TNRC6A: variants seen among roughly 807,000 people sequenced by gnomAD.
TNRC6A encodes trinucleotide repeat-containing gene 6A protein.
In TNRC6A, 44 loss-of-function variants were observed where a neutral mutation model predicts 221.2. The ratio of observed to expected loss-of-function variants is 0.20; its 90% CI spans 0.16 to 0.26. The LOEUF is 0.26. Ranked by LOEUF, TNRC6A falls within the 10% of genes least tolerant of loss-of-function variation. The pLI is 1.00. For synonymous variants in TNRC6A, 847 were observed against 838.5 expected (o/e 1.01, Z -0.18); for missense variants, 2,199 against 2,404.4 (o/e 0.91, Z 1.79).
chr16:24,819,844 T>C (rs2058732884), intron 21 of TNRC6A: 1 of 372,088 alleles, frequency 2.7e-6, no homozygotes, highest in Admixed American at 4.3e-5. Flanking sequence ...ATTGCTATTT[T>C]AGAGCAATTC....
intron 2 of TNRC6A, among the ~76,000 whole-genome samples, chr16:24,677,324 A>C (rs1346183465): frequency 6.6e-6 from 1 of 151,748 alleles, no homozygotes; most frequent in Non-Finnish European, 1.5e-5. Flanking sequence ...CACCACACCC[A>C]GCTAATTTTT....
chr16:24,680,578 G>T (rs970035864), intron 2 of TNRC6A, among the ~76,000 whole-genome samples: 4 of 151,858 alleles, frequency 2.6e-5, no homozygotes, highest in Admixed American at 2.6e-4. Context: ...TTAGCTGGGT[G>T]TGGTGGCACG....
intron 1 of TNRC6A, among the ~76,000 whole-genome samples, chr16:24,628,643 T>C (rs1047266033): frequency 1.3e-5 from 2 of 152,174 alleles, no homozygotes; most frequent in African/African-American, 4.8e-5. Flanking sequence ...TCCTTGTGAT[T>C]TTCTTAATAT....
intron 2 of TNRC6A, among the ~76,000 whole-genome samples, chr16:24,699,049 C>A (rs991502215): frequency 6.6e-6 from 1 of 152,098 alleles, no homozygotes; most frequent in South Asian, 2.1e-4. Flanking sequence ...ACCTACAGAG[C>A]GGGTATTGAA....
rs147438450 is a variant in TNRC6A, at chr16:24,764,266, C to G, written c.163+5906C>G. ...TCCATGTTGTGGCAAATGGCAGGCT[C>G]TCCTGTTTAAAAGCTGAATAATATT... is the stretch of plus-strand genomic sequence containing the variant. On this transcript the variant is annotated intron_variant, in intron 4 of 24. Coordinates refer to ENST00000395799, the MANE Select transcript of TNRC6A (RefSeq NM_014494.4). 4.6e-5 allele frequency among the ~76,000 whole-genome samples: 7 copies of G among 151,734 alleles called. No homozygotes were observed. In the East Asian group the frequency reaches 1.4e-3, roughly 29 times the overall value.
chr16:24,708,324 T>A (rs1347644579), intron 2 of TNRC6A, among the ~76,000 whole-genome samples: 2 of 149,446 alleles, frequency 1.3e-5, no homozygotes, highest in African/African-American at 4.9e-5. Flanking sequence ...CACTGCAAGC[T>A]CCACCTCCCA....
chr16:24,632,438 A>G (rs1901397317), intron 1 of TNRC6A, among the ~76,000 whole-genome samples: 1 of 152,006 alleles, frequency 6.6e-6, no homozygotes, highest in Non-Finnish European at 1.5e-5. Context: ...CACCCCACAC[A>G]CAATCCATAG....
intron 2 of TNRC6A, among the ~76,000 whole-genome samples, chr16:24,712,300 C>T (rs958285909): frequency 2.0e-5 from 3 of 152,114 alleles, no homozygotes; most frequent in African/African-American, 4.8e-5. Context: ...CCACCACACC[C>T]GGCTGCTGTA....
chr16:24,789,695 A>G lies in TNRC6A; in HGVS notation c.1053A>G (p.Ser351=), dbSNP rs771578049. Residue 351 remains serine, a synonymous_variant, in exon 6 of 25, where the codon TCA becomes TCG. Transcript: ENST00000395799. The part of the protein sequence containing the change: ...RMNAWGTVSS[S]SNGGLNPSTL... ...ATGCTTGGGGCACTGTAAGTTCTTC[A>G]TCAAATGGAGGGTTAAATCCAAGCA... is the stretch of plus-strand genomic sequence containing the variant. 1.1e-5 allele frequency: 17 copies of G among 1,614,132 alleles called. No homozygotes were observed. The highest frequency in any genetic ancestry group is 1.4e-5 in the Non-Finnish European group (16 of 1,180,062).
At chr16:24,798,111 T>A in intron 11 of TNRC6A, 145 bp downstream of exon 11, 2 of 571,170 alleles carry the variant, frequency 3.5e-6, no homozygotes, top group Non-Finnish European at 3.0e-6. Context: ...GTTAAATGAG[T>A]GCATGTGCCT....
intron 2 of TNRC6A, among the ~76,000 whole-genome samples, chr16:24,646,782 T>TG (rs1426522315): frequency 6.6e-6 from 1 of 152,212 alleles, no homozygotes; most frequent in Non-Finnish European, 1.5e-5. Flanking sequence ...ATTAGTTGGG[T>TG]GGTATCTCAT....
intron 2 of TNRC6A, among the ~76,000 whole-genome samples, chr16:24,722,571 T>A (rs1472474799): frequency 1.3e-5 from 2 of 151,964 alleles, no homozygotes; most frequent in Non-Finnish European, 2.9e-5. Flanking sequence ...GTAGCTGGGA[T>A]TACAGGCACC....
At chr16:24,676,355 G>A (rs2055420551) in intron 2 of TNRC6A, among the ~76,000 whole-genome samples, 1 of 152,094 alleles carries the variant, frequency 6.6e-6, no homozygotes, top group Non-Finnish European at 1.5e-5. Flanking sequence ...GGAGTGCAGT[G>A]GCATGCTCTT....
intron 4 of TNRC6A, among the ~76,000 whole-genome samples, chr16:24,768,607 A>C: frequency 6.6e-6 from 1 of 152,162 alleles, no homozygotes; most frequent in East Asian, 1.9e-4. Flanking sequence ...ATAACGACAC[A>C]TATAGAAATA....
chr16:24,768,784 G>A (rs2057530005), intron 4 of TNRC6A, among the ~76,000 whole-genome samples: 1 of 152,150 alleles, frequency 6.6e-6, no homozygotes, highest in Non-Finnish European at 1.5e-5. Flanking sequence ...TTCTGCCAGT[G>A]TTTTAGAAGA....
Position 24,805,090 on chromosome 16 carries a change from C to G in TNRC6A, c.4061C>G (p.Pro1354Arg). ...PRGMQQPPAQPLSSSQPNLRA... is the reference protein window; with the variant it reads ...PRGMQQPPAQRLSSSQPNLRA... Reference sequence around the variant, plus strand: ...GGCATGCAGCAGCCTCCAGCACAACCTCTTAGTTCATCTCAGCCTAATCTC... The same window carrying G: ...GGCATGCAGCAGCCTCCAGCACAACGTCTTAGTTCATCTCAGCCTAATCTC... Residue 1354 changes from proline (P) to arginine (R), a missense_variant, in exon 14 of 25, where the codon CCT (proline) becomes CGT (arginine). Physicochemically the swap from Pro to Arg is moderately radical, Grantham distance 103 (BLOSUM62 -2). Around this residue, in one of 8 missense-constraint regions of TNRC6A, gnomAD observed 449 missense variants for 579.7 expected, o/e 0.77. Transcript: ENST00000395799. 6.2e-7 allele frequency: 1 copy of G among 1,614,202 alleles called. No individual in the cohort carries two copies. Among genetic ancestry groups the G allele is most frequent in the East Asian group, 2.2e-5 (1 of 44,886 alleles).
chr16:24,795,751 A>AC, intron 8 of TNRC6A, 156 bp from the exon 9 acceptor site: 1 of 597,434 alleles, frequency 1.7e-6, no homozygotes, highest in East Asian at 2.7e-5. Context: ...AAGATAGGAC[A>AC]CTGATGAATT....
intron 1 of TNRC6A, among the ~76,000 whole-genome samples, chr16:24,631,296 T>C (rs1391236268): frequency 6.6e-6 from 1 of 152,120 alleles, no homozygotes; most frequent in African/African-American, 2.4e-5. Context: ...ACAGATTCTC[T>C]TCAGTTTGCC....
chr16:24,640,470 G>A (rs1264580394), intron 1 of TNRC6A, among the ~76,000 whole-genome samples: 1 of 151,416 alleles, frequency 6.6e-6, no homozygotes, highest in Non-Finnish European at 1.5e-5. Context: ...GCTCACACCT[G>A]TAATCCCAGC....
Sources: gnomAD v4.1 joint callset for allele counts (sites outside exome capture counted in the v4.1 genomes callset) on GRCh38, gnomAD v4.1.1 for gene constraint, gnomAD v4.1.1 regional missense constraint, MANE v1.5 for transcripts, NCBI Gene and HGNC (gene_info 2026-07-23, HGNC 2026-07-21) for gene names.